Variants in TMED10 observed in about 807,000 individuals in gnomAD.
TMED10 encodes transmembrane p24 trafficking protein 10, also known as transmembrane emp24 domain-containing protein 10.
In TMED10, 7 loss-of-function variants were observed where a neutral mutation model predicts 23.1. The observed-to-expected ratio is 0.30, with a 90% CI of 0.17 to 0.57. TMED10 has a LOEUF of 0.57. Ranked by LOEUF, TMED10 falls within the 20% of genes least tolerant of loss-of-function variation. TMED10 has a pLI of 0.91. For synonymous variants in TMED10, 113 were observed against 106.9 expected (o/e 1.06, Z -0.35); for missense variants, 162 against 274.8 (o/e 0.59, Z 2.90).
Position 75,147,646 on chromosome 14 carries a change from T to C in TMED10, c.411+18A>G. 1.2e-6 allele frequency: 2 copies of C among 1,613,550 alleles called. No homozygotes were observed. Among genetic ancestry groups the C allele is most frequent in the Non-Finnish European group, 1.7e-6 (2 of 1,179,470 alleles). On this transcript the variant is annotated intron_variant, in intron 3 of 4. Coordinates refer to ENST00000303575, the MANE Select transcript of TMED10 (RefSeq NM_006827.6). ...ATAGCACACTGCTGCCTCCTCTGGC[T>C]GTTAGAGCAGGACATACCTCTTCGT...
In TMED10 at chr14:75,134,192, T is replaced by G. The variant is rs1895720604; in HGVS notation, c.*693A>C. 1.3e-5 allele frequency: 2 copies of G among 155,534 alleles called. No homozygotes were observed. The highest frequency in any genetic ancestry group is 4.8e-5 in the African/African-American group (2 of 41,368). The allele number at this position is 155,534 out of a possible 1,614,324, so 9.6% of individuals were successfully genotyped here. On this transcript the variant is annotated 3_prime_UTR_variant, in exon 5 of 5. Coordinates refer to ENST00000303575, the MANE Select transcript of TMED10 (RefSeq NM_006827.6). ...TCTCTTGTGATGGTGGTCACATGAA[T>G]CTACACATGTGATAATATTGCATAG...
chr14:75,149,599 G>A (rs1352663161), intron 2 of TMED10, among the ~76,000 whole-genome samples: 1 of 152,196 alleles, frequency 6.6e-6, no homozygotes. Context: ...AAAATGCAAA[G>A]CACTGTAAAA....
chr14:75,161,909 A>G (rs1028741843), intron 1 of TMED10, among the ~76,000 whole-genome samples: 2 of 152,138 alleles, frequency 1.3e-5, no homozygotes, highest in African/African-American at 4.8e-5. Context: ...AAAAGCAACC[A>G]GGGCTCCTTG....
intron 3 of TMED10, among the ~76,000 whole-genome samples, chr14:75,142,730 T>C (rs1375141957): frequency 6.6e-6 from 1 of 152,238 alleles, no homozygotes; most frequent in Non-Finnish European, 1.5e-5. Context: ...ACACTTGTAA[T>C]TGACCTGTTC....
Position 75,176,431 on chromosome 14 carries a change from T to C in TMED10, c.149A>G (p.Lys50Arg). The change falls in exon 1 of 5, where the codon AAG (lysine) becomes AGG (arginine). Residue 50 changes from lysine to arginine, a missense_variant. Coordinates refer to ENST00000303575, the MANE Select transcript of TMED10 (RefSeq NM_006827.6). ...GTACGCGCCAGTCACTAGCAGGTCCTTGTGAATCTCCTCACGGAGGCACTT... is the reference window on the plus strand; with the variant it reads ...GTACGCGCCAGTCACTAGCAGGTCCCTGTGAATCTCCTCACGGAGGCACTT... ...SRKCLREEIH[K>R]DLLVTGAYEI... 2 of 1,614,224 alleles carry C rather than the reference T, an allele frequency of 1.2e-6. No homozygotes were observed. Among genetic ancestry groups the C allele is most frequent in the South Asian group, 1.1e-5 (1 of 91,090 alleles).
At chr14:75,159,635 C>T (rs1198007396) in intron 1 of TMED10, among the ~76,000 whole-genome samples, 1 of 152,132 alleles carries the variant, frequency 6.6e-6, no homozygotes, top group Non-Finnish European at 1.5e-5. Context: ...AGTCTCTCTA[C>T]ATCATAAAGG....
At chr14:75,175,262 T>C (rs1333204064) in intron 1 of TMED10, among the ~76,000 whole-genome samples, 1 of 152,090 alleles carries the variant, frequency 6.6e-6, no homozygotes, top group African/African-American at 2.4e-5. Context: ...ATTATGGCAG[T>C]AGTTGTCACC....
chr14:75,134,906 C>T lies in TMED10; in HGVS notation c.639G>A (p.Lys213=). 1 of 1,613,996 alleles carries T rather than the reference C, an allele frequency of 6.2e-7. No homozygotes were observed. Among genetic ancestry groups the T allele is most frequent in the Non-Finnish European group, 8.5e-7 (1 of 1,179,928 alleles). The part of the protein sequence containing the change: ...WQVFYLRRFF[K]AKKLIE ...TTCATTACTCAATCAATTTCTTGGC[C>T]TTGAAGAAGCGTCGCAGGTAGAAGA... Residue 213 remains lysine (K), a synonymous_variant, in exon 5 of 5, where the codon AAG becomes AAA. Coordinates refer to ENST00000303575, the MANE Select transcript of TMED10 (RefSeq NM_006827.6).
intron 2 of TMED10, 145 bp from the exon 3 acceptor site, chr14:75,147,882 G>A: frequency 1.4e-6 from 1 of 717,600 alleles, no homozygotes; most frequent in Non-Finnish European, 2.3e-6. Context: ...CTCAGTTGCA[G>A]AAAATTCCTG....
Position 75,151,873 on chromosome 14 carries a change from G to A in TMED10, c.337+159C>T, listed in dbSNP as rs561744094. Among the ~76,000 whole-genome samples the A allele has an allele frequency of 2.9e-4, 44 of 152,006 alleles. No individual in the cohort carries two copies. The East Asian group carries it at 8.3e-3, about 29-fold the overall frequency. On this transcript the variant is annotated intron_variant, in intron 2 of 4. Coordinates refer to ENST00000303575, the MANE Select transcript of TMED10 (RefSeq NM_006827.6). ...ATTCAATCTTTTATTCCATGTAGTC[G>A]ACCTTTTAAAAGGTGCTCCAAAGAC...
chr14:75,158,628 A>G (rs1896050184), intron 1 of TMED10, among the ~76,000 whole-genome samples: 1 of 151,790 alleles, frequency 6.6e-6, no homozygotes, highest in African/African-American at 2.4e-5. Context: ...TGCCCAGCCA[A>G]AAAGTACTTC....
At chr14:75,145,168 G>A (rs943281207) in intron 3 of TMED10, among the ~76,000 whole-genome samples, 6 of 152,230 alleles carry the variant, frequency 3.9e-5, no homozygotes, top group Admixed American at 1.3e-4. Flanking sequence ...CCTTGGAGCT[G>A]TGTTGTAACT....
chr14:75,147,519 T>A, intron 3 of TMED10, 145 bp downstream of exon 3: 1 of 867,360 alleles, frequency 1.2e-6, no homozygotes, highest in Non-Finnish European at 1.9e-6. Context: ...ACTTTTTGTA[T>A]CAGTAAGATC....
chr14:75,151,996 G>A (rs757181136), intron 2 of TMED10, 36 bp downstream of exon 2: 1 of 1,552,778 alleles, frequency 6.4e-7, no homozygotes, highest in South Asian at 1.1e-5. Flanking sequence ...AGTTGGAGAA[G>A]ATTCTTAATC....
intron 3 of TMED10, among the ~76,000 whole-genome samples, chr14:75,142,909 A>T (rs1895840412): frequency 2.0e-5 from 3 of 151,908 alleles, no homozygotes; most frequent in Admixed American, 2.0e-4. Flanking sequence ...CCCATGCTGG[A>T]GTGCAGTGGC....
intron 2 of TMED10, 154 bp from the exon 3 acceptor site, chr14:75,147,891 T>C: frequency 1.5e-6 from 1 of 684,432 alleles, no homozygotes; most frequent in Non-Finnish European, 2.5e-6. Flanking sequence ...AGAAAATTCC[T>C]GGCTCTGGCT....
chr14:75,155,520 A>G (rs1177907283), intron 1 of TMED10, among the ~76,000 whole-genome samples: 2 of 152,250 alleles, frequency 1.3e-5, no homozygotes, highest in African/African-American at 2.4e-5. Context: ...TCACTTCACA[A>G]TGTGTATGTA....
chr14:75,131,586 T>A lies in TMED10; in HGVS notation c.*3299A>T, dbSNP rs917661332. ...TCCCAAACAAACCAAGAAATGGCTT[T>A]ATGACAGGGGTCCATGACAATGGTA... is the stretch of plus-strand genomic sequence containing the variant. On this transcript the variant is annotated 3_prime_UTR_variant, in exon 5 of 5. Coordinates refer to ENST00000303575, the MANE Select transcript of TMED10 (RefSeq NM_006827.6). 6.6e-6 allele frequency: 1 copy of A among 152,598 alleles called. No individual in the cohort carries two copies. Among genetic ancestry groups the A allele is most frequent in the African/African-American group, 2.4e-5 (1 of 41,448 alleles). The allele number at this position is 152,598 out of a possible 1,614,324, so 9.5% of individuals were successfully genotyped here.
chr14:75,160,054 T>C (rs1321485372), intron 1 of TMED10, among the ~76,000 whole-genome samples: 1 of 152,212 alleles, frequency 6.6e-6, no homozygotes, highest in Non-Finnish European at 1.5e-5. Flanking sequence ...AACCTTCAGA[T>C]GACACAACTA....
Sources: allele counts gnomAD v4.1 joint callset (sites outside exome capture counted in the v4.1 genomes callset), GRCh38; gene constraint gnomAD v4.1.1; transcripts MANE v1.5; gene names NCBI Gene and HGNC (gene_info 2026-07-23, HGNC 2026-07-21).